Variants in SLC5A8 observed in about 807,000 individuals in gnomAD.
SLC5A8 encodes solute carrier family 5 member 8, also known as sodium-coupled monocarboxylate transporter 1.
A neutral mutation model predicts 71.9 loss-of-function variants in SLC5A8; 55 were observed. That is an observed-to-expected ratio of 0.77 (90% confidence interval 0.62 to 0.96). The LOEUF (loss-of-function observed/expected upper bound fraction) is 0.96, where lower values mean the gene tolerates loss of function less well. Ranked by LOEUF, SLC5A8 falls within the 40% of genes least tolerant of loss-of-function variation. The probability of loss-of-function intolerance (pLI) is 0.00; values close to 1 mark genes in which losing one functional copy is unlikely to be tolerated. For synonymous variants in SLC5A8, 307 were observed against 276.1 expected, an observed-to-expected ratio of 1.11 and a Z score of -1.11; for missense variants, 701 against 745.3, an observed-to-expected ratio of 0.94 and a Z score of 0.69.
chr12:101,197,264 T>G (rs1313369080), intron 3 of SLC5A8, among the ~76,000 whole-genome samples: 1 of 152,206 alleles, frequency 6.6e-6, no homozygotes, highest in Non-Finnish European at 1.5e-5. Flanking sequence ...CAGTATTCCA[T>G]CTAACTAATG....
chr12:101,175,575 A>C (rs913283171), intron 10 of SLC5A8, among the ~76,000 whole-genome samples: 1 of 152,062 alleles, frequency 6.6e-6, no homozygotes, highest in African/African-American at 2.4e-5. Context: ...ACCAAGATAC[A>C]TCATAATTAA....
intron 10 of SLC5A8, among the ~76,000 whole-genome samples, chr12:101,171,075 C>A (rs1334091291): frequency 6.6e-6 from 1 of 152,144 alleles, no homozygotes; most frequent in Non-Finnish European, 1.5e-5. Flanking sequence ...GACTGACAGA[C>A]CAGGAGGGTT....
At chr12:101,174,304 G>A (rs75436552) in intron 10 of SLC5A8, among the ~76,000 whole-genome samples, 15,030 of 152,186 alleles carry the variant, frequency 0.099, 991 homozygotes, top group Middle Eastern at 0.19. Context: ...CATCAAAGAT[G>A]AGTCTTAGGC....
At chr12:101,182,521 A>G (rs889199328) in intron 9 of SLC5A8, among the ~76,000 whole-genome samples, 8 of 152,222 alleles carry the variant, frequency 5.3e-5, no homozygotes, top group Non-Finnish European at 7.3e-5. Flanking sequence ...GGATGAAGGC[A>G]CAGGAAAAAA....
chr12:101,175,398 A>G (rs1224285165), intron 10 of SLC5A8, among the ~76,000 whole-genome samples: 1 of 152,164 alleles, frequency 6.6e-6, no homozygotes, highest in African/African-American at 2.4e-5. Context: ...AAAAGTACTC[A>G]AAGAATTAAT....
chr12:101,158,592 CTCTCTCTATATATATATATATA>C (rs1269218979), intron 13 of SLC5A8, among the ~76,000 whole-genome samples: 9 of 25,930 alleles, frequency 3.5e-4, no homozygotes, highest in Admixed American at 1.7e-3. Flanking sequence ...CTCTCTCTCT[CTCTCTCTATATATATATATATA>C]TATATATATA....
chr12:101,196,033 A>G (rs1450723403), intron 3 of SLC5A8, among the ~76,000 whole-genome samples: 1 of 152,114 alleles, frequency 6.6e-6, no homozygotes, highest in African/African-American at 2.4e-5. Flanking sequence ...TCAGATGTAC[A>G]TGTGGAGGTT....
intron 1 of SLC5A8, among the ~76,000 whole-genome samples, chr12:101,208,047 A>G (rs1480656330): frequency 6.6e-6 from 1 of 152,138 alleles, no homozygotes; most frequent in Non-Finnish European, 1.5e-5. Context: ...GAGTTCTCGA[A>G]AGAAGTCATA....
intron 14 of SLC5A8, among the ~76,000 whole-genome samples, chr12:101,158,014 C>T (rs1050864726): frequency 1.3e-5 from 2 of 152,072 alleles, no homozygotes; most frequent in African/African-American, 4.8e-5. Flanking sequence ...TATAGCTCAT[C>T]AGAGGATACA....
chr12:101,195,774 G>A (rs1869148748), intron 3 of SLC5A8, among the ~76,000 whole-genome samples: 1 of 137,550 alleles, frequency 7.3e-6, no homozygotes, highest in South Asian at 2.2e-4. Context: ...TCAGCTCACT[G>A]CAATCTCCAC....
chr12:101,166,678 C>T lies in SLC5A8; in HGVS notation c.1342G>A (p.Ala448Thr). ...ACCCATAGAGAAATGGCAAATCCAG[C>T]CATCAGACCAACAAGTGCTCCCTGT... ...NSIGALVGLM[A>T]GFAISLWVGI... The change falls in exon 12 of 15, where the codon GCT (alanine) becomes ACT (threonine). Residue 448 changes from alanine (A) to threonine (T), a missense_variant. Coordinates refer to ENST00000536262, the MANE Select transcript of SLC5A8 (RefSeq NM_145913.5). 1.2e-6 allele frequency: 2 copies of T among 1,610,582 alleles called. No homozygotes were observed. Among genetic ancestry groups the T allele is most frequent in the Non-Finnish European group, 1.7e-6 (2 of 1,178,710 alleles).
rs199931118 is a variant in SLC5A8 at position 101,193,645 on chromosome 12, A to T, written c.672T>A (p.Gly224=). The T allele has an allele frequency of 6.2e-7, 1 of 1,613,646 alleles. No individual in the cohort carries two copies. Among genetic ancestry groups the T allele is most frequent in the Admixed American group, 1.7e-5 (1 of 59,936 alleles). ...ISTILNDAYD[G]GRLNFWNFNP... Reference sequence around the variant, plus strand: ...CTTACTTCCAGAAATTTAATCTTCCACCATCATAGGCATCATTTAAAATAG... The same window carrying T: ...CTTACTTCCAGAAATTTAATCTTCCTCCATCATAGGCATCATTTAAAATAG... The change falls in exon 5 of 15, where the codon GGT becomes GGA. Residue 224 remains glycine (G), a synonymous_variant. Transcript: ENST00000536262.
intron 7 of SLC5A8, among the ~76,000 whole-genome samples, chr12:101,185,599 A>G (rs780910294): frequency 1.3e-5 from 2 of 152,062 alleles, no homozygotes; most frequent in Non-Finnish European, 2.9e-5. Flanking sequence ...TGTTTGTTTT[A>G]AGGCAGTCTC....
intron 9 of SLC5A8, among the ~76,000 whole-genome samples, chr12:101,181,742 G>C (rs1204282864): frequency 2.6e-5 from 4 of 152,126 alleles, no homozygotes; most frequent in Non-Finnish European, 5.9e-5. Flanking sequence ...TAATGAACCA[G>C]TCTAAAAACC....
intron 10 of SLC5A8, among the ~76,000 whole-genome samples, chr12:101,172,520 C>T (rs1166810863): frequency 6.6e-6 from 1 of 152,140 alleles, no homozygotes; most frequent in African/African-American, 2.4e-5. Context: ...TTGTGAACAG[C>T]TGGACTGGGC....
At chr12:101,206,420 C>A (rs1208151237) in intron 1 of SLC5A8, among the ~76,000 whole-genome samples, 1 of 152,142 alleles carries the variant, frequency 6.6e-6, no homozygotes, top group Non-Finnish European at 1.5e-5. Flanking sequence ...GTACATGAAT[C>A]CAAATTGCTG....
chr12:101,206,425 T>C (rs550303185), intron 1 of SLC5A8, among the ~76,000 whole-genome samples: 26 of 152,334 alleles, frequency 1.7e-4, no homozygotes, highest in African/African-American at 5.5e-4. Context: ...TGAATCCAAA[T>C]TGCTGGAGAC....
chr12:101,189,582 G>T (rs1306278616), intron 6 of SLC5A8, among the ~76,000 whole-genome samples: 3 of 152,052 alleles, frequency 2.0e-5, no homozygotes, highest in African/African-American at 7.2e-5. Context: ...GGTGAGCACT[G>T]CAGTGATGTG....
intron 6 of SLC5A8, among the ~76,000 whole-genome samples, chr12:101,188,889 C>CT (rs1363466014): frequency 6.6e-6 from 1 of 152,164 alleles, no homozygotes. Context: ...TTTTATTTCA[C>CT]TTTGATGCTA....
Sources: gnomAD v4.1 joint callset for allele counts (sites outside exome capture counted in the v4.1 genomes callset) on GRCh38, gnomAD v4.1.1 for gene constraint, MANE v1.5 for transcripts, NCBI Gene and HGNC (gene_info 2026-07-23, HGNC 2026-07-21) for gene names.